Variants in IGFBP4 observed in about 807,000 individuals in gnomAD.
IGFBP4 encodes the protein insulin-like growth factor-binding protein 4.
Under a neutral mutation model 25.8 loss-of-function variants are expected in IGFBP4, and 9 were observed. The ratio of observed to expected loss-of-function variants is 0.35; its 90% CI spans 0.21 to 0.61. The LOEUF is 0.61. Ranked by LOEUF, IGFBP4 falls within the 20% of genes least tolerant of loss-of-function variation. The pLI, the probability that IGFBP4 is intolerant of heterozygous loss-of-function variation, is 0.77. For synonymous variants in IGFBP4, 153 were observed against 153.9 expected, an observed-to-expected ratio of 0.99 and a Z score of 0.05; for missense variants, 315 against 365.3, an observed-to-expected ratio of 0.86 and a Z score of 1.12.
chr17:40,444,932 C>CAGAG (rs10603634), intron 1 of IGFBP4, among the ~76,000 whole-genome samples: 1,864 of 75,094 alleles, frequency 0.025, 52 homozygotes, highest in Middle Eastern at 0.038. Flanking sequence ...CACACAGAGA[C>CAGAG]AGAGAGAGAG....
rs569945387 is a variant in IGFBP4, at chr17:40,446,110, T to C, written c.349+2026T>C. Among the ~76,000 whole-genome samples, 277 of 149,200 alleles carry C rather than the reference T, an allele frequency of 1.9e-3. 1 individual carries two copies. The highest frequency in any genetic ancestry group is 6.6e-3 in the African/African-American group (265 of 40,260). ...TTGTAATCCCAGCACTTTGGGAGGA[T>C]TGCTTGAGGCCAGGAGTTCGAGACC... On this transcript the variant is annotated intron_variant, in intron 1 of 3. Transcript: ENST00000269593.
intron 1 of IGFBP4, among the ~76,000 whole-genome samples, chr17:40,452,113 C>T (rs10305298): frequency 0.022 from 3,363 of 152,300 alleles, 38 homozygotes; most frequent in Middle Eastern, 0.068. Context: ...GTTGGGATTA[C>T]AGGCATGAGC....
intron 1 of IGFBP4, among the ~76,000 whole-genome samples, chr17:40,448,456 A>G: frequency 6.6e-6 from 1 of 152,236 alleles, no homozygotes; most frequent in East Asian, 1.9e-4. Context: ...CCTACTTGGA[A>G]GTCCCATCTC....
intron 1 of IGFBP4, among the ~76,000 whole-genome samples, chr17:40,451,485 G>A (rs777437701): frequency 6.6e-6 from 1 of 151,530 alleles, no homozygotes; most frequent in Non-Finnish European, 1.5e-5. Context: ...AACCCCCCCA[G>A]CTTTGGCTAG....
rs1284171901 is a variant in IGFBP4 at position 40,453,164 on chromosome 17, ATGTG to A, written c.507+23_507+26del. The A allele has an allele frequency of 6.8e-7, 1 of 1,465,492 alleles. No homozygotes were observed. The highest frequency in any genetic ancestry group is 2.4e-5 in the Admixed American group (1 of 42,548). The allele number at this position is 1,465,492 out of a possible 1,614,324, so 90.8% of individuals were successfully genotyped here. ...TGTGGTAAGGACCTCCGATGCACAA[ATGTG>A]CATGTGCATAGACACACACACACAC... On this transcript the variant is annotated intron_variant, in intron 2 of 3. Transcript: ENST00000269593. This position sits in a 1 kb window ranked among gnomAD's most constrained non-coding sequence, Gnocchi z 4.0.
At chr17:40,444,682 C>T (rs1244858405) in intron 1 of IGFBP4, among the ~76,000 whole-genome samples, 1 of 151,984 alleles carries the variant, frequency 6.6e-6, no homozygotes, top group Non-Finnish European at 1.5e-5. Context: ...GACAGGGGTC[C>T]CTCTGCCAGG....
In IGFBP4 at chr17:40,457,573, C is replaced by T. The variant is rs898925381; in HGVS notation, c.*990C>T. On this transcript the variant is annotated 3_prime_UTR_variant, in exon 4 of 4. Coordinates refer to ENST00000269593, the MANE Select transcript of IGFBP4 (RefSeq NM_001552.3). ...TCTGCCTCCCTCTCCATATCTCCTT[C>T]CCCTACACCTCCCTCCCCACACCTC... The T allele has an allele frequency of 6.6e-6, 1 of 152,124 alleles. No individual in the cohort carries two copies. The highest frequency in any genetic ancestry group is 2.4e-5 in the African/African-American group (1 of 41,368). The allele number at this position is 152,124 out of a possible 1,614,324, so 9.4% of individuals were successfully genotyped here.
chr17:40,446,933 AGGGTCTGT>A (rs1174330677), intron 1 of IGFBP4, among the ~76,000 whole-genome samples: 10 of 152,240 alleles, frequency 6.6e-5, no homozygotes. Context: ...GCAGCCCTGC[AGGGTCTGT>A]GGGTGAGATA....
At chr17:40,445,339 C>T (rs1024418230) in intron 1 of IGFBP4, among the ~76,000 whole-genome samples, 3 of 152,218 alleles carry the variant, frequency 2.0e-5, no homozygotes, top group African/African-American at 7.2e-5. Flanking sequence ...GTTTCTCATT[C>T]CATCTCCGAC....
chr17:40,444,120 T>A (rs976329881), intron 1 of IGFBP4, 36 bp downstream of exon 1: 1 of 1,458,748 alleles, frequency 6.9e-7, no homozygotes. Flanking sequence ...CCCTCCTGAG[T>A]GCGCTCCCTT....
rs71152673 is a variant in IGFBP4 at position 40,446,169 on chromosome 17, CAA to C, written c.349+2103_349+2104del. On this transcript the variant is annotated intron_variant, in intron 1 of 3. Coordinates refer to ENST00000269593, the MANE Select transcript of IGFBP4 (RefSeq NM_001552.3). ...CAATATAGCCAGACCCCCGTCTCTA[CAA>C]AAAAAAAAAAAAAAAAATAGGCAAC... Among the ~76,000 whole-genome samples the C allele has an allele frequency of 2.6e-3, 259 of 99,260 alleles. 2 individuals are homozygous for C. The highest frequency in any genetic ancestry group is 9.6e-3 in the African/African-American group (243 of 25,302). 65.1% of individuals were successfully genotyped at this position (99,260 alleles called of 152,430 possible). A position where few individuals can be genotyped will look rare whatever the true frequency, so the allele number is the denominator to read the frequency against.
At chr17:40,444,926 CAGAGACAGAGAGAGAGAGAGAGAGAG>C (rs1479214222) in intron 1 of IGFBP4, among the ~76,000 whole-genome samples, 1 of 62,694 alleles carries the variant, frequency 1.6e-5, no homozygotes, top group African/African-American at 4.5e-5. Flanking sequence ...CACACACACA[CAGAGACAGAGAGAGAGAGAGAGAGAG>C]AGAGAGAGAG....
chr17:40,445,921 CCTCA>C (rs2035642201), intron 1 of IGFBP4, among the ~76,000 whole-genome samples: 1 of 152,094 alleles, frequency 6.6e-6, no homozygotes, highest in South Asian at 2.1e-4. Flanking sequence ...GGTAGGAATA[CCTCA>C]TCCTCTGGTT....
intron 1 of IGFBP4, among the ~76,000 whole-genome samples, chr17:40,444,299 C>A (rs561362316): frequency 2.4e-4 from 37 of 152,328 alleles, no homozygotes; most frequent in Admixed American, 1.6e-3. Flanking sequence ...GGGAGACTGT[C>A]CCATCGCTCC....
rs1300844951 is a variant in IGFBP4 at position 40,457,392 on chromosome 17, G to T, written c.*809G>T. 2 of 152,246 alleles carry T rather than the reference G, an allele frequency of 1.3e-5. No individual in the cohort carries two copies. The highest frequency in any genetic ancestry group is 2.4e-5 in the African/African-American group (1 of 41,418). 9.4% of individuals were successfully genotyped at this position (152,246 alleles called of 1,614,324 possible). A position where few individuals can be genotyped will look rare whatever the true frequency, so the allele number is the denominator to read the frequency against. On this transcript the variant is annotated 3_prime_UTR_variant, in exon 4 of 4. Transcript: ENST00000269593. ...TTTCTCTGAGCAGTCAGGGTGGGAA[G>T]AAAGAATGCAAGAGTGGACTGAATG...
chr17:40,444,932 CAGAGAGAG>C (rs10603634), intron 1 of IGFBP4, among the ~76,000 whole-genome samples: 4,918 of 74,628 alleles, frequency 0.066, 158 homozygotes, highest in Non-Finnish European at 0.091. Context: ...CACACAGAGA[CAGAGAGAG>C]AGAGAGAGAG....
chr17:40,446,554 TG>T (rs1474092330), intron 1 of IGFBP4, among the ~76,000 whole-genome samples: 3 of 152,132 alleles, frequency 2.0e-5, no homozygotes, highest in Non-Finnish European at 2.9e-5. Context: ...AGGTGGAGGT[TG>T]CAGTGAACCA....
chr17:40,452,829 G>A (rs376017268), intron 1 of IGFBP4, among the ~76,000 whole-genome samples, 156 bp from the exon 2 acceptor site: 262 of 152,132 alleles, frequency 1.7e-3, no homozygotes, highest in African/African-American at 6.2e-3. Flanking sequence ...GAGGTAGGGG[G>A]CTGCTCTTGT....
Position 40,456,509 on chromosome 17 carries a change from G to T in IGFBP4, c.703G>T (p.Val235Leu). The change falls in exon 4 of 4, where the codon GTG (valine) becomes TTG (leucine). Residue 235 changes from valine (V) to leucine (L), a missense_variant. Transcript: ENST00000269593. ...KCWCVDRKTG[V>L]KLPGGLEPKG... Reference sequence around the variant, plus strand: ...CTGGTGTGTGGACCGGAAGACGGGGGTGAAGCTTCCGGGGGGCCTGGAGCC... The same window carrying T: ...CTGGTGTGTGGACCGGAAGACGGGGTTGAAGCTTCCGGGGGGCCTGGAGCC... 3.1e-6 allele frequency: 5 copies of T among 1,613,936 alleles called. No individual in the cohort carries two copies. Among genetic ancestry groups the T allele is most frequent in the Admixed American group, 1.7e-5 (1 of 60,006 alleles).
Sources: gnomAD v4.1 joint callset for allele counts (sites outside exome capture counted in the v4.1 genomes callset) on GRCh38, gnomAD v4.1.1 for gene constraint, Gnocchi (gnomAD v3.1) non-coding constraint, MANE v1.5 for transcripts, NCBI Gene and HGNC (gene_info 2026-07-23, HGNC 2026-07-21) for gene names.